Variants in CCNY observed in about 807,000 individuals in gnomAD.
The protein encoded by CCNY is cyclin-Y.
In CCNY, 19 loss-of-function variants were observed where a neutral mutation model predicts 42.8. The ratio of observed to expected loss-of-function variants is 0.44; its 90% CI spans 0.31 to 0.65. The LOEUF (loss-of-function observed/expected upper bound fraction) is 0.65, where lower values mean the gene tolerates loss of function less well. CCNY is among the 30% of genes least tolerant of loss of function. CCNY has a pLI of 0.07. For missense variants in CCNY, 370 were observed against 437.3 expected (o/e 0.85, Z 1.37); for synonymous variants, 165 against 162.7 (o/e 1.01, Z -0.11).
intron 1 of CCNY, among the ~76,000 whole-genome samples, chr10:35,469,259 C>T (rs1182381236): frequency 6.6e-6 from 1 of 152,182 alleles, no homozygotes; most frequent in African/African-American, 2.4e-5. Flanking sequence ...ATTTAAAAGG[C>T]TGTATTATAT....
At chr10:35,252,306 C>CAAAG (rs2095712504) in intron 3 of CCNY, among the ~76,000 whole-genome samples, 1 of 152,084 alleles carries the variant, frequency 6.6e-6, no homozygotes, top group Non-Finnish European at 1.5e-5. Flanking sequence ...TGGCTCAGGC[C>CAAAG]TGTAATCCCA....
At chr10:35,480,337 G>T (rs1253759386) in intron 1 of CCNY, among the ~76,000 whole-genome samples, 3 of 152,136 alleles carry the variant, frequency 2.0e-5, no homozygotes, top group African/African-American at 7.2e-5. Context: ...TAATCCTGCT[G>T]CTTGGCTTCC....
At chr10:35,503,202 G>T (rs1840146119) in intron 3 of CCNY, among the ~76,000 whole-genome samples, 1 of 152,118 alleles carries the variant, frequency 6.6e-6, no homozygotes, top group Admixed American at 6.5e-5. Context: ...GGATTAGTAT[G>T]GGAGGCCATG....
chr10:35,283,853 G>A (rs754644074), intron 3 of CCNY, among the ~76,000 whole-genome samples: 1 of 152,182 alleles, frequency 6.6e-6, no homozygotes, highest in Non-Finnish European at 1.5e-5. Flanking sequence ...GGAGGCCGAG[G>A]AGGGCGGATC....
chr10:35,478,780 T>A (rs1400831094), intron 1 of CCNY, among the ~76,000 whole-genome samples: 1 of 152,132 alleles, frequency 6.6e-6, no homozygotes, highest in Non-Finnish European at 1.5e-5. Context: ...AAAGCCAAAA[T>A]TGACAAATGG....
chr10:35,399,242 T>C (rs1687893848), intron 1 of CCNY, among the ~76,000 whole-genome samples: 1 of 152,076 alleles, frequency 6.6e-6, no homozygotes, highest in Admixed American at 6.6e-5. Flanking sequence ...TTGAGCATGG[T>C]GAGGTCGTAG....
At chr10:35,455,201 G>C (rs1839002558) in intron 1 of CCNY, among the ~76,000 whole-genome samples, 1 of 152,112 alleles carries the variant, frequency 6.6e-6, no homozygotes, top group Admixed American at 6.5e-5. Context: ...TTGATTGACT[G>C]GAGCTTAAAA....
rs57188309 is a variant in CCNY, at chr10:35,416,160, C to CGTGTGTGTGTGTGTGTGTGTGT, written c.155-67231_155-67210dup. Among the ~76,000 whole-genome samples the CGTGTGTGTGTGTGTGTGTGTGT allele has an allele frequency of 4.9e-3, 714 of 144,558 alleles. 10 individuals are homozygous for CGTGTGTGTGTGTGTGTGTGTGT. Among genetic ancestry groups the CGTGTGTGTGTGTGTGTGTGTGT allele is most frequent in the African/African-American group, 0.017 (664 of 38,824 alleles). 94.8% of individuals were successfully genotyped at this position (144,558 alleles called of 152,430 possible). ...ACCTGATCTGGAAACTTGTGGCACC[C>CGTGTGTGTGTGTGTGTGTGTGT]GTGTGTGTGTGTGTGTGTGTGTGTG... On this transcript the variant is annotated intron_variant, in intron 1 of 9. Transcript: ENST00000374704.
chr10:35,461,109 A>G (rs1839148454), intron 1 of CCNY, among the ~76,000 whole-genome samples: 1 of 152,176 alleles, frequency 6.6e-6, no homozygotes, highest in South Asian at 2.1e-4. Flanking sequence ...TCTCCTGTTT[A>G]TGGAAGCAAG....
At position 35,571,714 on chromosome 10, in the gene CCNY, T is replaced by G. The variant is rs1194166830; in HGVS notation, c.*2544T>G. Reference sequence around the variant, plus strand: ...AGAAAACACAAAACCAGTACAGTACTTACTGATAAATCGTAGTGACTGTAA... The same window carrying G: ...AGAAAACACAAAACCAGTACAGTACGTACTGATAAATCGTAGTGACTGTAA... On this transcript the variant is annotated 3_prime_UTR_variant, in exon 10 of 10. Coordinates refer to ENST00000374704, the MANE Select transcript of CCNY (RefSeq NM_145012.6). The G allele has an allele frequency of 6.6e-6, 1 of 152,380 alleles. No homozygotes were observed. The highest frequency in any genetic ancestry group is 2.4e-5 in the African/African-American group (1 of 41,474). 9.4% of individuals were successfully genotyped at this position (152,380 alleles called of 1,614,324 possible).
At chr10:35,363,408 C>T (rs894574482) in intron 1 of CCNY, among the ~76,000 whole-genome samples, 1 of 149,090 alleles carries the variant, frequency 6.7e-6, no homozygotes, top group Non-Finnish European at 1.5e-5. Context: ...CAGAGGTGCT[C>T]CTCTCTTCCC....
intron 3 of CCNY, among the ~76,000 whole-genome samples, chr10:35,317,006 C>T (rs761773580): frequency 5.3e-5 from 8 of 152,092 alleles, no homozygotes; most frequent in African/African-American, 1.4e-4. Context: ...CCACCACGCC[C>T]GGCTAATTTT....
chr10:35,374,512 C>T (rs1837008074), intron 1 of CCNY, among the ~76,000 whole-genome samples: 1 of 152,126 alleles, frequency 6.6e-6, no homozygotes, highest in African/African-American at 2.4e-5. Context: ...TAAAATGTGT[C>T]TTATTTGTTG....
intron 1 of CCNY, among the ~76,000 whole-genome samples, chr10:35,435,265 A>G (rs1306910152): frequency 2.0e-5 from 3 of 152,200 alleles, no homozygotes. Context: ...ACTTACACTT[A>G]CCTGGTAATC....
At chr10:35,253,698 G>A (rs571679209) in intron 3 of CCNY, among the ~76,000 whole-genome samples, 17 of 151,890 alleles carry the variant, frequency 1.1e-4, no homozygotes, top group African/African-American at 4.1e-4. Context: ...CATTCATAGA[G>A]GCTAACATTC....
chr10:35,434,422 G>A (rs1228656756), intron 1 of CCNY, among the ~76,000 whole-genome samples: 1 of 152,162 alleles, frequency 6.6e-6, no homozygotes, highest in Non-Finnish European at 1.5e-5. Flanking sequence ...GCCTGGCTAT[G>A]GACAGGAGAG....
At chr10:35,266,498 G>T (rs1018027788) in intron 3 of CCNY, among the ~76,000 whole-genome samples, 1 of 151,868 alleles carries the variant, frequency 6.6e-6, no homozygotes, top group Non-Finnish European at 1.5e-5. Flanking sequence ...TCTCTCTCAC[G>T]CGTGGACACA....
At chr10:35,456,317 CA>C (rs932368741) in intron 1 of CCNY, among the ~76,000 whole-genome samples, 34 of 152,166 alleles carry the variant, frequency 2.2e-4, no homozygotes, top group Non-Finnish European at 7.4e-5. Flanking sequence ...TCACATGGAA[CA>C]AAAAAGAAAG....
intron 3 of CCNY, among the ~76,000 whole-genome samples, chr10:35,321,999 A>G (rs1175786120): frequency 6.6e-6 from 1 of 152,214 alleles, no homozygotes; most frequent in African/African-American, 2.4e-5. Context: ...AAAAATGAAC[A>G]TTGATTATTA....
Sources: allele counts gnomAD v4.1 joint callset (sites outside exome capture counted in the v4.1 genomes callset), GRCh38; gene constraint gnomAD v4.1.1; transcripts MANE v1.5; gene names NCBI Gene and HGNC (gene_info 2026-07-23, HGNC 2026-07-21).